Variants in MMD observed in about 807,000 individuals in gnomAD.
The protein encoded by MMD is monocyte to macrophage differentiation factor.
A neutral mutation model predicts 33.6 loss-of-function variants in MMD; 22 were observed. The observed-to-expected ratio is 0.66, with a 90% CI of 0.47 to 0.94. The LOEUF is 0.94. Ranked by LOEUF, MMD falls within the 40% of genes least tolerant of loss-of-function variation. The probability of loss-of-function intolerance (pLI) is 0.00; values close to 1 mark genes in which losing one functional copy is unlikely to be tolerated. For synonymous variants in MMD, 97 were observed against 103.2 expected (o/e 0.94, Z 0.36); for missense variants, 242 against 309.8 (o/e 0.78, Z 1.64).
intron 5 of MMD, among the ~76,000 whole-genome samples, chr17:55,403,388 T>A (rs976033619): frequency 6.6e-6 from 1 of 152,230 alleles, no homozygotes; most frequent in Non-Finnish European, 1.5e-5. Flanking sequence ...TATATTGTAC[T>A]GAGCACTTAA....
rs1460307369 is a variant in MMD, at chr17:55,421,496, G to A, written c.26+174C>T. On this transcript the variant is annotated intron_variant, in intron 1 of 6. Transcript: ENST00000262065. ...CAGGAGCTCCCATCCTTGGAGGAAG[G>A]GGATCGCCCAGGGACAGCAGGGTGG... 2.0e-5 allele frequency among the ~76,000 whole-genome samples: 3 copies of A among 152,360 alleles called. No homozygotes were observed. The South Asian group carries it at 6.2e-4, about 32-fold the overall frequency.
intron 1 of MMD, among the ~76,000 whole-genome samples, chr17:55,414,556 TCACA>T (rs58103743): frequency 0.52 from 63,462 of 122,676 alleles, 17,990 homozygotes; most frequent in Non-Finnish European, 0.65. Flanking sequence ...CCTCCTCCAT[TCACA>T]CACACACACA....
rs1906980656 is a variant in MMD at position 55,393,179 on chromosome 17, C to T, written c.*1155G>A. 1 of 151,166 alleles carries T rather than the reference C, an allele frequency of 6.6e-6. No homozygotes were observed. Among genetic ancestry groups the T allele is most frequent in the Admixed American group, 6.6e-5 (1 of 15,190 alleles). 9.4% of individuals were successfully genotyped at this position (151,166 alleles called of 1,614,324 possible). ...ATACATAAATATCACTCCACTGAGC[C>T]AGGATATAACTCATGGACTACAGAT... On this transcript the variant is annotated 3_prime_UTR_variant, in exon 7 of 7. Coordinates refer to ENST00000262065, the MANE Select transcript of MMD (RefSeq NM_012329.3).
rs1163953217 is a variant in MMD, at chr17:55,393,976, G to C, written c.*358C>G. ...ATAGAAACAATTTTCTTCTTAAAAAGGAAGGTTTGTTATTGCACTGACTTT... is the reference window on the plus strand; with the variant it reads ...ATAGAAACAATTTTCTTCTTAAAAACGAAGGTTTGTTATTGCACTGACTTT... On this transcript the variant is annotated 3_prime_UTR_variant, in exon 7 of 7. Transcript: ENST00000262065. 6.2e-6 allele frequency: 1 copy of C among 161,074 alleles called. No homozygotes were observed. The highest frequency in any genetic ancestry group is 1.4e-5 in the Non-Finnish European group (1 of 74,004). The allele number at this position is 161,074 out of a possible 1,614,324, so 10.0% of individuals were successfully genotyped here.
intron 3 of MMD, 74 bp from the exon 4 acceptor site, chr17:55,407,894 G>C (rs955856289): frequency 1.2e-5 from 13 of 1,040,118 alleles, no homozygotes; most frequent in Non-Finnish European, 1.8e-5. Flanking sequence ...ACTCCACTAT[G>C]TTGCAATTTC....
chr17:55,408,631 T>C (rs891687311), intron 3 of MMD, among the ~76,000 whole-genome samples: 4 of 152,176 alleles, frequency 2.6e-5, no homozygotes, highest in African/African-American at 9.7e-5. Flanking sequence ...GGAACGCTAG[T>C]ATTAGACTTT....
intron 6 of MMD, 79 bp downstream of exon 6, chr17:55,401,390 G>T: frequency 8.2e-7 from 1 of 1,214,534 alleles, no homozygotes; most frequent in Non-Finnish European, 1.2e-6. Flanking sequence ...ATAAAGAAAA[G>T]CTACATATCA....
intron 6 of MMD, among the ~76,000 whole-genome samples, chr17:55,396,468 T>C: frequency 6.6e-6 from 1 of 152,228 alleles, no homozygotes; most frequent in East Asian, 1.9e-4. Flanking sequence ...GTTTTCTATT[T>C]GGTTTCATCC....
At chr17:55,398,579 TAATATTTACTTATGGTAC>T (rs1430893216) in intron 6 of MMD, among the ~76,000 whole-genome samples, 7 of 152,122 alleles carry the variant, frequency 4.6e-5, no homozygotes, top group African/African-American at 1.7e-4. Flanking sequence ...TTATTTCTGA[TAATATTTACTTATGGTAC>T]ATGCTAAGTT....
At chr17:55,413,426 A>G (rs1163506627) in intron 2 of MMD, among the ~76,000 whole-genome samples, 1 of 152,176 alleles carries the variant, frequency 6.6e-6, no homozygotes, top group Non-Finnish European at 1.5e-5. Context: ...CTGAAAATAC[A>G]TACATATTCA....
chr17:55,406,179 G>A (rs1205324030), intron 4 of MMD, among the ~76,000 whole-genome samples: 1 of 152,168 alleles, frequency 6.6e-6, no homozygotes, highest in Non-Finnish European at 1.5e-5. Flanking sequence ...CAGATCACTT[G>A]AGGTCAGGAG....
At chr17:55,396,348 A>G (rs1353711545) in intron 6 of MMD, among the ~76,000 whole-genome samples, 1 of 152,198 alleles carries the variant, frequency 6.6e-6, no homozygotes, top group African/African-American at 2.4e-5. Flanking sequence ...CCAGTCTGAC[A>G]ATCTCTGCCT....
intron 4 of MMD, chr17:55,404,579 C>G: frequency 1.0e-6 from 1 of 985,256 alleles, no homozygotes; most frequent in Non-Finnish European, 1.2e-6. Flanking sequence ...GGATCAGATA[C>G]CCACAGTGGA....
At chr17:55,415,477 C>A (rs1907931684) in intron 1 of MMD, among the ~76,000 whole-genome samples, 1 of 152,052 alleles carries the variant, frequency 6.6e-6, no homozygotes, top group South Asian at 2.1e-4. Context: ...CTTATTCATA[C>A]ACAAAATAAA....
At chr17:55,413,328 T>C (rs1907836202) in intron 2 of MMD, among the ~76,000 whole-genome samples, 2 of 152,186 alleles carry the variant, frequency 1.3e-5, no homozygotes, top group Admixed American at 1.3e-4. Flanking sequence ...TCAATGTCAC[T>C]AAATGCAAGG....
At chr17:55,401,314 A>T (rs3744308) in intron 6 of MMD, among the ~76,000 whole-genome samples, 155 bp downstream of exon 6, 2 of 152,142 alleles carry the variant, frequency 1.3e-5, no homozygotes, top group African/African-American at 2.4e-5. Flanking sequence ...CCACCATGCC[A>T]AGCTAAACAC....
chr17:55,407,254 G>A (rs917377242), intron 4 of MMD, among the ~76,000 whole-genome samples: 12 of 151,566 alleles, frequency 7.9e-5, no homozygotes, highest in Admixed American at 1.3e-4. Flanking sequence ...TCTTAAACTC[G>A]GGAGGCAGAG....
chr17:55,411,444 T>C, intron 2 of MMD, 27 bp from the exon 3 acceptor site: 1 of 1,591,578 alleles, frequency 6.3e-7, no homozygotes, highest in South Asian at 1.1e-5. Context: ...GAATGGTGAA[T>C]GGAATATTCT....
At position 55,407,774 on chromosome 17, in the gene MMD, A is replaced by G. The variant is rs1907613007; in HGVS notation, c.316T>C (p.Phe106Leu). ...GGAGCATAAGAAGCAGCAATGAAGA[A>G]ATAGATAACCATTCTATCACACATG... is the stretch of plus-strand genomic sequence containing the variant. ...FHMCDRMVIY[F>L]FIAASYAPWL... Residue 106 changes from phenylalanine (F) to leucine (L), a missense_variant, in exon 4 of 7, where the codon TTC becomes CTC. Coordinates refer to ENST00000262065, the MANE Select transcript of MMD (RefSeq NM_012329.3). 6.2e-7 allele frequency: 1 copy of G among 1,601,092 alleles called. No homozygotes were observed. Among genetic ancestry groups the G allele is most frequent in the Non-Finnish European group, 8.5e-7 (1 of 1,176,644 alleles).
Sources: gnomAD v4.1 joint callset for allele counts (sites outside exome capture counted in the v4.1 genomes callset) on GRCh38, gnomAD v4.1.1 for gene constraint, MANE v1.5 for transcripts, NCBI Gene and HGNC (gene_info 2026-07-23, HGNC 2026-07-21) for gene names.